The following SPOCK1 variants were observed in gnomAD, a reference collection of about 807,000 sequenced individuals.
The protein encoded by SPOCK1 is testican-1.
A neutral mutation model predicts 55.3 loss-of-function variants in SPOCK1; 23 were observed. That is an observed-to-expected ratio of 0.42 (90% confidence interval 0.30 to 0.59). The LOEUF (loss-of-function observed/expected upper bound fraction) is 0.59, where lower values mean the gene tolerates loss of function less well. Among genes scored for constraint, SPOCK1 ranks in the 20% least tolerant of loss-of-function variants. The pLI is 0.22. For synonymous variants in SPOCK1, 226 were observed against 221.0 expected (o/e 1.02, Z -0.20); for missense variants, 499 against 552.5 (o/e 0.90, Z 0.97).
chr5:137,216,992 G>T (rs991769145), intron 3 of SPOCK1, among the ~76,000 whole-genome samples: 1 of 152,150 alleles, frequency 6.6e-6, no homozygotes, highest in Non-Finnish European at 1.5e-5. Flanking sequence ...GAGGCAGGAG[G>T]TGGGTTAGGA....
rs933917408 is a variant in SPOCK1 at position 137,134,687 on chromosome 5, C to T, written c.347+5893G>A. On this transcript the variant is annotated intron_variant, in intron 4 of 10. Coordinates refer to ENST00000394945, the MANE Select transcript of SPOCK1 (RefSeq NM_004598.4). ...GAATTACCCACCTCCTGCATGGCCACGTGTCTTCCAAACCTCGACAGCTAT... is the reference window on the plus strand; with the variant it reads ...GAATTACCCACCTCCTGCATGGCCATGTGTCTTCCAAACCTCGACAGCTAT... 2.0e-5 allele frequency among the ~76,000 whole-genome samples: 3 copies of T among 152,334 alleles called. No homozygotes were observed. In the East Asian group the frequency reaches 5.8e-4, roughly 29 times the overall value.
chr5:137,439,210 A>G (rs1399069502), intron 2 of SPOCK1, among the ~76,000 whole-genome samples: 2 of 152,246 alleles, frequency 1.3e-5, no homozygotes, highest in Admixed American at 1.3e-4. Context: ...GTGCTGAAGT[A>G]CACAGGATAG....
chr5:137,262,708 G>GC (rs1390285613), intron 3 of SPOCK1, among the ~76,000 whole-genome samples: 1 of 152,204 alleles, frequency 6.6e-6, no homozygotes, highest in African/African-American at 2.4e-5. Context: ...CCAGTACGAT[G>GC]CCCCAACACT....
intron 2 of SPOCK1, among the ~76,000 whole-genome samples, chr5:137,420,147 C>A (rs954406481): frequency 2.0e-5 from 3 of 152,160 alleles, no homozygotes; most frequent in African/African-American, 7.2e-5. Context: ...GGATGAAGCC[C>A]ACTTGATCAT....
At chr5:137,399,033 T>G (rs1374217100) in intron 2 of SPOCK1, among the ~76,000 whole-genome samples, 1 of 151,722 alleles carries the variant, frequency 6.6e-6, no homozygotes, top group Non-Finnish European at 1.5e-5. Flanking sequence ...CTAAAGCTTA[T>G]GCAATGAAAG....
At chr5:137,097,357 A>G (rs745631489) in intron 5 of SPOCK1, among the ~76,000 whole-genome samples, 1 of 152,210 alleles carries the variant, frequency 6.6e-6, no homozygotes, top group Non-Finnish European at 1.5e-5. Flanking sequence ...CCCAGCAACC[A>G]AAGTTGCTGC....
chr5:137,465,181 T>C (rs1330564175), intron 2 of SPOCK1, among the ~76,000 whole-genome samples: 3 of 152,142 alleles, frequency 2.0e-5, no homozygotes, highest in Admixed American at 6.5e-5. Context: ...AGATATAAGA[T>C]CGCCAAATAA....
intron 2 of SPOCK1, among the ~76,000 whole-genome samples, chr5:137,397,607 A>T (rs902477849): frequency 8.5e-5 from 13 of 152,088 alleles, no homozygotes; most frequent in African/African-American, 3.1e-4. Flanking sequence ...TGTGGACTTT[A>T]CCTGTCTGTC....
chr5:137,378,871 G>A (rs1233729051), intron 2 of SPOCK1, among the ~76,000 whole-genome samples: 1 of 152,190 alleles, frequency 6.6e-6, no homozygotes, highest in African/African-American at 2.4e-5. Context: ...AGCATCAGAG[G>A]GGTAAAAAGG....
intron 5 of SPOCK1, among the ~76,000 whole-genome samples, chr5:137,068,677 C>G (rs1400165510): frequency 6.6e-6 from 1 of 152,184 alleles, no homozygotes; most frequent in Non-Finnish European, 1.5e-5. Flanking sequence ...AATTAAGACT[C>G]AGGTTAAGTA....
intron 5 of SPOCK1, among the ~76,000 whole-genome samples, chr5:137,099,564 AT>A (rs1393237800): frequency 3.4e-5 from 4 of 115,982 alleles, no homozygotes; most frequent in Non-Finnish European, 7.1e-5. Flanking sequence ...ATTTAAAAAA[AT>A]ATATATGTGT....
intron 2 of SPOCK1, among the ~76,000 whole-genome samples, chr5:137,304,373 C>T (rs1757663999): frequency 6.6e-6 from 1 of 152,126 alleles, no homozygotes; most frequent in Non-Finnish European, 1.5e-5. Flanking sequence ...GCTCACAAGC[C>T]CTGCCCCAGC....
chr5:137,173,634 G>A (rs1488831392), intron 3 of SPOCK1, among the ~76,000 whole-genome samples: 5 of 152,054 alleles, frequency 3.3e-5, no homozygotes, highest in Non-Finnish European at 7.4e-5. Context: ...AATACAAATC[G>A]GTATTTCTTG....
intron 2 of SPOCK1, among the ~76,000 whole-genome samples, chr5:137,378,863 C>T (rs1048781471): frequency 6.6e-6 from 1 of 152,116 alleles, no homozygotes; most frequent in African/African-American, 2.4e-5. Flanking sequence ...AAGAAAGCAG[C>T]ATCAGAGGGG....
intron 2 of SPOCK1, among the ~76,000 whole-genome samples, chr5:137,407,554 A>G (rs1250728696): frequency 1.3e-5 from 2 of 152,004 alleles, no homozygotes; most frequent in Admixed American, 1.3e-4. Flanking sequence ...CTGAGCCCAT[A>G]TTCCCTTCCT....
At chr5:137,453,575 C>G (rs1034301555) in intron 2 of SPOCK1, among the ~76,000 whole-genome samples, 4 of 151,964 alleles carry the variant, frequency 2.6e-5, no homozygotes, top group African/African-American at 9.7e-5. Flanking sequence ...AAAGCCCAGC[C>G]ACGGGAATCT....
intron 2 of SPOCK1, among the ~76,000 whole-genome samples, chr5:137,367,374 C>A (rs564795415): frequency 6.6e-6 from 1 of 152,166 alleles, no homozygotes; most frequent in Non-Finnish European, 1.5e-5. Flanking sequence ...GCACTGTGCA[C>A]GGAAGAATAT....
intron 2 of SPOCK1, among the ~76,000 whole-genome samples, chr5:137,301,632 T>C (rs2961637): frequency 0.84 from 119,335 of 141,872 alleles, 50,444 homozygotes; most frequent in African/African-American, 0.88. Flanking sequence ...AAGCATTTCG[T>C]CTCCTTTTTT....
intron 6 of SPOCK1, among the ~76,000 whole-genome samples, chr5:137,054,700 A>G (rs1052066920): frequency 2.0e-5 from 3 of 152,230 alleles, no homozygotes; most frequent in Admixed American, 1.3e-4. Context: ...TCTCTGCCAT[A>G]TGGAGAATAA....
Sources: allele counts gnomAD v4.1 joint callset (sites outside exome capture counted in the v4.1 genomes callset), GRCh38; gene constraint gnomAD v4.1.1; transcripts MANE v1.5; gene names NCBI Gene and HGNC (gene_info 2026-07-23, HGNC 2026-07-21).